GRIP1: variants seen among roughly 807,000 people sequenced by gnomAD.
GRIP1 encodes glutamate receptor interacting protein 1.
A neutral mutation model predicts 129.9 loss-of-function variants in GRIP1; 45 were observed. The observed-to-expected ratio is 0.35, with a 90% CI of 0.27 to 0.44. GRIP1 has a LOEUF of 0.44. Among genes scored for constraint, GRIP1 ranks in the 20% least tolerant of loss-of-function variants. The pLI is 1.00. For synonymous variants in GRIP1, 530 were observed against 520.8 expected (o/e 1.02, Z -0.24); for missense variants, 1,196 against 1,396.8 (o/e 0.86, Z 2.29).
intron 1 of GRIP1, among the ~76,000 whole-genome samples, chr12:66,886,060 C>T (rs1330113221): frequency 1.3e-5 from 2 of 152,092 alleles, no homozygotes; most frequent in African/African-American, 2.4e-5. Context: ...GTCAGGAGCT[C>T]GAGACCAGCC....
intron 7 of GRIP1, among the ~76,000 whole-genome samples, chr12:66,513,335 T>G (rs2060753338): frequency 1.3e-5 from 2 of 152,166 alleles, no homozygotes. Flanking sequence ...CATGTACATT[T>G]TAGAAACAGC....
At chr12:66,807,320 C>G (rs975521100), upstream of GRIP1, among the ~76,000 whole-genome samples, 2 of 152,028 alleles carry the variant, frequency 1.3e-5, no homozygotes, top group African/African-American at 4.8e-5. Context: ...TTAGTACCAT[C>G]CCCTTGGTAC....
intron 4 of GRIP1, among the ~76,000 whole-genome samples, chr12:66,538,189 T>C (rs1413351208): frequency 6.7e-6 from 1 of 150,262 alleles, no homozygotes; most frequent in African/African-American, 2.5e-5. Flanking sequence ...GGCTGTTGTG[T>C]TCTTGCTGTA....
chr12:66,735,779 G>C (rs1380535137), intron 1 of GRIP1, among the ~76,000 whole-genome samples: 1 of 152,142 alleles, frequency 6.6e-6, no homozygotes, highest in Non-Finnish European at 1.5e-5. Flanking sequence ...ACTTCCAGAT[G>C]CAAAAGCTGC....
intron 11 of GRIP1, among the ~76,000 whole-genome samples, chr12:66,450,163 G>C (rs1203368703): frequency 6.6e-6 from 1 of 151,676 alleles, no homozygotes; most frequent in Non-Finnish European, 1.5e-5. Flanking sequence ...AATTAGCCGG[G>C]CGTGGTGGCA....
intron 1 of GRIP1, among the ~76,000 whole-genome samples, chr12:66,940,638 A>G (rs986509488): frequency 6.6e-6 from 1 of 152,206 alleles, no homozygotes; most frequent in Non-Finnish European, 1.5e-5. Flanking sequence ...TTTCTAGCAA[A>G]ATTAATCCAA....
At chr12:67,022,275 T>C (rs894636817) in intron 1 of GRIP1, among the ~76,000 whole-genome samples, 3 of 152,178 alleles carry the variant, frequency 2.0e-5, no homozygotes, top group South Asian at 4.1e-4. Context: ...CCATTCTTTA[T>C]AGTGGCTGTG....
At chr12:66,534,708 T>C (rs1421059731) in intron 4 of GRIP1, among the ~76,000 whole-genome samples, 1 of 152,004 alleles carries the variant, frequency 6.6e-6, no homozygotes, top group Non-Finnish European at 1.5e-5. Context: ...CTCTCTCTCT[T>C]TTTGAGATGG....
chr12:67,068,417 C>T (rs1565665208), intron 1 of GRIP1, among the ~76,000 whole-genome samples: 1 of 152,142 alleles, frequency 6.6e-6, no homozygotes, highest in African/African-American at 2.4e-5. Flanking sequence ...GGGCATAACT[C>T]ATCTCCAAGC....
chr12:66,742,160 A>G (rs1011917989), intron 1 of GRIP1, among the ~76,000 whole-genome samples: 2 of 152,132 alleles, frequency 1.3e-5, no homozygotes, highest in African/African-American at 4.8e-5. Flanking sequence ...TTTAGTACTG[A>G]AAACTCCATA....
intron 1 of GRIP1, among the ~76,000 whole-genome samples, chr12:66,667,114 T>A (rs1451372800): frequency 1.3e-5 from 2 of 152,152 alleles, no homozygotes; most frequent in African/African-American, 4.8e-5. Flanking sequence ...TCATTTCCAT[T>A]ATAATTTCTT....
In GRIP1 at chr12:66,608,933, A is replaced by AATTATTATTATTATT. The variant is rs150512388; in HGVS notation, c.56-12021_56-12007dup. ...AGGAATCCCACAGTAACATGAAACA[A>AATTATTATTATTATT]ATTATTATTATTATTATTATTATTA... On this transcript the variant is annotated intron_variant, in intron 1 of 24. Transcript: ENST00000359742. 2.2e-3 allele frequency among the ~76,000 whole-genome samples: 322 copies of AATTATTATTATTATT among 145,548 alleles called. 2 individuals carry two copies. Among genetic ancestry groups the AATTATTATTATTATT allele is most frequent in the African/African-American group, 5.7e-3 (228 of 39,730 alleles).
At chr12:66,956,575 T>TG (rs1385305906) in intron 1 of GRIP1, among the ~76,000 whole-genome samples, 1 of 151,930 alleles carries the variant, frequency 6.6e-6, no homozygotes, top group Non-Finnish European at 1.5e-5. Flanking sequence ...TATAAATGAG[T>TG]GTAGAAAGAT....
At position 66,540,976 on chromosome 12, in the gene GRIP1, T is replaced by A. The variant is rs187428404; in HGVS notation, c.272+839A>T. ...ATCACACCTGGCTTTTTTTTTTTAA[T>A]TTTTTTTTTAAATTTTTTTAGTAGA... On this transcript the variant is annotated intron_variant, in intron 3 of 24. Transcript: ENST00000359742. 4.3e-4 allele frequency among the ~76,000 whole-genome samples: 64 copies of A among 149,526 alleles called. 1 individual carries two copies. The highest frequency in any genetic ancestry group is 4.3e-4 in the South Asian group (2 of 4,686).
chr12:66,906,555 T>C (rs563692533), intron 1 of GRIP1, among the ~76,000 whole-genome samples: 2 of 152,324 alleles, frequency 1.3e-5, no homozygotes, highest in South Asian at 4.1e-4. Flanking sequence ...ATGTATGTAG[T>C]ACAGCATCAT....
intron 7 of GRIP1, among the ~76,000 whole-genome samples, chr12:66,495,622 A>G (rs1352588115): frequency 2.6e-5 from 4 of 152,118 alleles, no homozygotes; most frequent in African/African-American, 7.2e-5. Context: ...AGCGTGACTG[A>G]CCAAACTAAA....
chr12:67,002,382 T>C (rs377156325), intron 1 of GRIP1, among the ~76,000 whole-genome samples: 5 of 152,188 alleles, frequency 3.3e-5, no homozygotes, highest in Non-Finnish European at 7.3e-5. Flanking sequence ...CCACAAACTA[T>C]ACCAATAGAA....
rs538544380 is a variant in GRIP1 at position 66,991,447 on chromosome 12, A to G, written c.58+77603T>C. ...ACAGCAGGCAGGAGAGGAAAGAAAT[A>G]TTTCTTCCCTATAGCTGAGTAAGGA... On this transcript the variant is annotated intron_variant, in intron 1 of 1. Transcript: ENST00000643019. Among the ~76,000 whole-genome samples, 100 of 152,286 alleles carry G rather than the reference A, an allele frequency of 6.6e-4. 1 individual carries two copies. The highest frequency in any genetic ancestry group is 5.0e-3 in the South Asian group (24 of 4,812).
chr12:66,990,973 G>A (rs1156549836), intron 1 of GRIP1, among the ~76,000 whole-genome samples: 5 of 139,544 alleles, frequency 3.6e-5, no homozygotes, highest in African/African-American at 8.4e-5. Context: ...GCTAAACTCC[G>A]TCGCAAAAAA....
Sources: allele counts gnomAD v4.1 joint callset (sites outside exome capture counted in the v4.1 genomes callset), GRCh38; gene constraint gnomAD v4.1.1; transcripts MANE v1.5; gene names NCBI Gene and HGNC (gene_info 2026-07-23, HGNC 2026-07-21).